The following PTPRD variants were observed in gnomAD, a reference collection of about 807,000 sequenced individuals.
PTPRD encodes the protein protein tyrosine phosphatase receptor type D.
A neutral mutation model predicts 214.5 loss-of-function variants in PTPRD; 34 were observed. The observed-to-expected ratio is 0.16, with a 90% CI of 0.12 to 0.21. PTPRD has a LOEUF of 0.21. PTPRD is among the 10% of genes least tolerant of loss of function. The pLI, the probability that PTPRD is intolerant of heterozygous loss-of-function variation, is 1.00. For synonymous variants in PTPRD, 1,128 were observed against 845.7 expected (o/e 1.33, Z -5.79); for missense variants, 2,545 against 2,398.7 (o/e 1.06, Z -1.27).
chr9:10,123,775 A>C (rs1056607716), intron 3 of PTPRD, among the ~76,000 whole-genome samples: 1 of 152,156 alleles, frequency 6.6e-6, no homozygotes, highest in Non-Finnish European at 1.5e-5. Flanking sequence ...TAAGTTCTGC[A>C]TTATTGCCAG....
At chr9:8,924,588 C>T (rs1302456152) in intron 11 of PTPRD, among the ~76,000 whole-genome samples, 1 of 152,076 alleles carries the variant, frequency 6.6e-6, no homozygotes, top group Non-Finnish European at 1.5e-5. Context: ...AGCATCTCCC[C>T]ACCTCACCTC....
At chr9:9,309,433 A>T (rs1958195663) in intron 9 of PTPRD, among the ~76,000 whole-genome samples, 1 of 152,180 alleles carries the variant, frequency 6.6e-6, no homozygotes, top group South Asian at 2.1e-4. Context: ...AGCTGCTAGA[A>T]TTGTCTACTT....
rs538481061 is a variant in PTPRD at position 8,681,019 on chromosome 9, G to C, written c.65-44175C>G. Among the ~76,000 whole-genome samples, 252 of 152,276 alleles carry C rather than the reference G, an allele frequency of 1.7e-3. 1 individual carries two copies. Among genetic ancestry groups the C allele is most frequent in the African/African-American group, 5.7e-3 (236 of 41,560 alleles). ...TTCCTAGGTTCAAAAATTTGAAACA[G>C]TCACTTTTTGGTATTCCTCCTCTCC... On this transcript the variant is annotated intron_variant, in intron 12 of 45. Coordinates refer to ENST00000381196, the MANE Select transcript of PTPRD (RefSeq NM_002839.4).
intron 14 of PTPRD, among the ~76,000 whole-genome samples, chr9:8,603,730 A>G (rs2095026721): frequency 6.6e-6 from 1 of 152,252 alleles, no homozygotes; most frequent in Admixed American, 6.5e-5. Flanking sequence ...ATCCATTGAT[A>G]TAATCAATCT....
intron 11 of PTPRD, among the ~76,000 whole-genome samples, chr9:8,745,816 T>A (rs2092731633): frequency 6.6e-6 from 1 of 151,164 alleles, no homozygotes; most frequent in Admixed American, 6.6e-5. Flanking sequence ...CTCTCTCTTT[T>A]AGATAGGGTC....
chr9:8,547,174 C>T (rs867013922), intron 14 of PTPRD, among the ~76,000 whole-genome samples: 3 of 152,092 alleles, frequency 2.0e-5, no homozygotes, highest in Non-Finnish European at 4.4e-5. Context: ...TGAAAGATGT[C>T]AGTACATGTC....
intron 6 of PTPRD, among the ~76,000 whole-genome samples, chr9:9,744,559 G>C (rs1311519452): frequency 6.6e-6 from 1 of 151,866 alleles, no homozygotes; most frequent in Non-Finnish European, 1.5e-5. Context: ...TGCTATTGTA[G>C]CAATGTCTTC....
intron 11 of PTPRD, among the ~76,000 whole-genome samples, chr9:8,983,503 A>G (rs1589286486): frequency 6.6e-6 from 1 of 151,436 alleles, no homozygotes; most frequent in Non-Finnish European, 1.5e-5. Flanking sequence ...TATTTTATAC[A>G]TTTTCTTCCC....
chr9:9,962,456 C>A (rs995218708), intron 4 of PTPRD, among the ~76,000 whole-genome samples: 1 of 151,892 alleles, frequency 6.6e-6, no homozygotes, highest in African/African-American at 2.4e-5. Flanking sequence ...CATATTGAAC[C>A]TTATATAAAT....
At chr9:8,691,678 A>C (rs2097804435) in intron 12 of PTPRD, among the ~76,000 whole-genome samples, 1 of 152,218 alleles carries the variant, frequency 6.6e-6, no homozygotes, top group African/African-American at 2.4e-5. Flanking sequence ...ACCAGATTCC[A>C]AGAGGCCAAA....
chr9:10,532,810 T>C (rs1213543455), intron 2 of PTPRD, among the ~76,000 whole-genome samples: 1 of 151,886 alleles, frequency 6.6e-6, no homozygotes, highest in African/African-American at 2.4e-5. Context: ...CAGACTAAAA[T>C]TCTCTTAGGT....
rs191340903 is a variant in PTPRD, at chr9:8,603,008, G to A, written c.352+30309C>T. On this transcript the variant is annotated intron_variant, in intron 14 of 45. Transcript: ENST00000381196. The stretch of plus-strand genomic sequence containing the variant: ...AAGATGAAGAGATTCCAACAACACT[G>A]CAAAAAAATATAGCAACTAAACCTG... Among the ~76,000 whole-genome samples the A allele has an allele frequency of 2.4e-3, 360 of 152,096 alleles. 8 individuals carry two copies. The highest frequency in any genetic ancestry group is 8.7e-4 in the Non-Finnish European group (59 of 67,954).
chr9:9,476,780 G>T (rs2095076214), intron 8 of PTPRD, among the ~76,000 whole-genome samples: 1 of 151,782 alleles, frequency 6.6e-6, no homozygotes, highest in Non-Finnish European at 1.5e-5. Context: ...TTGTTGCCCA[G>T]GCTGGAGGGC....
rs376161829 is a variant in PTPRD at position 8,507,285 on chromosome 9, A to G, written c.1677+16T>C. On this transcript the variant is annotated intron_variant, in intron 22 of 45. Coordinates refer to ENST00000381196, the MANE Select transcript of PTPRD (RefSeq NM_002839.4). ...GTAATGAATAATTCCCAAGGTGAGAAGCACTATAGTCTTACCTCCTCTCCA... is the reference window on the plus strand; with the variant it reads ...GTAATGAATAATTCCCAAGGTGAGAGGCACTATAGTCTTACCTCCTCTCCA... 1.2e-6 allele frequency: 2 copies of G among 1,607,108 alleles called. No individual in the cohort carries two copies. Among genetic ancestry groups the G allele is most frequent in the Non-Finnish European group, 1.7e-6 (2 of 1,177,414 alleles).
chr9:9,425,588 C>CAGTT (rs111797092), intron 8 of PTPRD, among the ~76,000 whole-genome samples: 2 of 150,836 alleles, frequency 1.3e-5, no homozygotes, highest in African/African-American at 2.4e-5. Context: ...CACAGGCTGA[C>CAGTT]ACAATGTGGA....
At chr9:8,960,742 T>G (rs137970402) in intron 11 of PTPRD, among the ~76,000 whole-genome samples, 22 of 152,232 alleles carry the variant, frequency 1.4e-4, no homozygotes, top group Non-Finnish European at 2.6e-4. Flanking sequence ...ATTCATAAAC[T>G]ATTGAAGCTG....
chr9:10,361,310 G>C (rs780408389), intron 2 of PTPRD, among the ~76,000 whole-genome samples: 21 of 152,144 alleles, frequency 1.4e-4, no homozygotes, highest in Non-Finnish European at 2.4e-4. Flanking sequence ...ATACTCATAA[G>C]AGAAAAGAGT....
At position 10,390,846 on chromosome 9, in the gene PTPRD, T is replaced by G. The variant is rs536937282; in HGVS notation, c.-599-49829A>C. 1.5e-4 allele frequency among the ~76,000 whole-genome samples: 23 copies of G among 151,922 alleles called. No homozygotes were observed. The South Asian group carries it at 2.9e-3, about 19-fold the overall frequency. ...AAACTTATTTTGCTAAGACATTTAA[T>G]ATGGATCATGCTATAGGCTTTTGGG... On this transcript the variant is annotated intron_variant, in intron 2 of 45. Coordinates refer to ENST00000381196, the MANE Select transcript of PTPRD (RefSeq NM_002839.4).
chr9:9,058,277 T>G (rs115826544), intron 10 of PTPRD, among the ~76,000 whole-genome samples: 4 of 148,112 alleles, frequency 2.7e-5, no homozygotes, highest in African/African-American at 9.7e-5. Flanking sequence ...CAGTGTCTTA[T>G]GCAATGTCAC....
Sources: gnomAD v4.1 joint callset for allele counts (sites outside exome capture counted in the v4.1 genomes callset) on GRCh38, gnomAD v4.1.1 for gene constraint, MANE v1.5 for transcripts, NCBI Gene and HGNC (gene_info 2026-07-23, HGNC 2026-07-21) for gene names.